Variants in ARL10 observed in about 807,000 individuals in gnomAD.
ARL10 encodes ADP-ribosylation factor-like protein 10.
In ARL10, 23 loss-of-function variants were observed where a neutral mutation model predicts 26.1. That is an observed-to-expected ratio of 0.88 (90% CI 0.63 to 1.25). The LOEUF (loss-of-function observed/expected upper bound fraction) is 1.25. Among genes scored for constraint, ARL10 ranks in the 50% most tolerant of loss-of-function variants. The pLI is 0.00. For missense variants in ARL10, 300 were observed against 323.6 expected (o/e 0.93, Z 0.56); for synonymous variants, 138 against 149.1 (o/e 0.93, Z 0.54).
intron 1 of ARL10, among the ~76,000 whole-genome samples, chr5:176,394,456 G>C (rs1385870687): frequency 6.6e-6 from 1 of 152,280 alleles, no homozygotes; most frequent in African/African-American, 2.4e-5. Flanking sequence ...TGGATCACTT[G>C]AGGTCAGGAG....
the ARL10 span, among the ~76,000 whole-genome samples, chr5:176,412,330 C>T: frequency 6.6e-6 from 1 of 152,176 alleles, no homozygotes; most frequent in Non-Finnish European, 1.5e-5. Context: ...GGATATCATA[C>T]AGTATCCTGC....
At chr5:176,387,078 CTT>C (rs370678945) in intron 1 of ARL10, 23 of 237,426 alleles carry the variant, frequency 9.7e-5, no homozygotes, top group East Asian at 2.4e-4. Flanking sequence ...CTCTCTCTCT[CTT>C]TTTTTTTTTC....
Position 176,376,388 on chromosome 5 carries a change from A to T in ARL10, c.*4493A>T, listed in dbSNP as rs937867535. The T allele has an allele frequency of 4.7e-5, 7 of 150,128 alleles. No individual in the cohort carries two copies. Among genetic ancestry groups the T allele is most frequent in the African/African-American group, 1.7e-4 (7 of 40,838 alleles). 9.3% of individuals were successfully genotyped at this position (150,128 alleles called of 1,614,324 possible). A position where few individuals can be genotyped will look rare whatever the true frequency, so the allele number is the denominator to read the frequency against. ...AAAAAAAAAAAAAAAAAAGGTTAGCATTCCACTCTTCCTTTGGGGTTTCAG... is the reference window on the plus strand; with the variant it reads ...AAAAAAAAAAAAAAAAAAGGTTAGCTTTCCACTCTTCCTTTGGGGTTTCAG... On this transcript the variant is annotated 3_prime_UTR_variant, in exon 4 of 4. Coordinates refer to ENST00000310389, the MANE Select transcript of ARL10 (RefSeq NM_173664.6).
At chr5:176,365,841 G>A in intron 1 of ARL10, 95 bp downstream of exon 1, 1 of 1,199,362 alleles carries the variant, frequency 8.3e-7, no homozygotes, top group Non-Finnish European at 1.0e-6. Context: ...CGGCCCTGCT[G>A]GTGCCGGGAG....
chr5:176,367,117 C>T (rs1204877331), intron 2 of ARL10, among the ~76,000 whole-genome samples: 3 of 150,002 alleles, frequency 2.0e-5, no homozygotes, highest in African/African-American at 7.4e-5. Flanking sequence ...AAGCGATTCT[C>T]CAGCTTCAGC....
At chr5:176,389,781 T>C (rs1298533077), downstream of ARL10, 31 of 286,590 alleles carry the variant, frequency 1.1e-4, no homozygotes, top group Non-Finnish European at 1.8e-4. Flanking sequence ...ATCCCCATGG[T>C]TTTTGGTCTT....
chr5:176,390,438 GTTC>G (rs1234823448), downstream of ARL10, among the ~76,000 whole-genome samples: 1 of 151,920 alleles, frequency 6.6e-6, no homozygotes, highest in Non-Finnish European at 1.5e-5. Context: ...AGACCATCTA[GTTC>G]TTTTTTTGAG....
chr5:176,373,004 A>C lies in ARL10; in HGVS notation c.*1109A>C, dbSNP rs1768591769. On this transcript the variant is annotated 3_prime_UTR_variant, in exon 4 of 4. Coordinates refer to ENST00000310389, the MANE Select transcript of ARL10 (RefSeq NM_173664.6). Reference sequence around the variant, plus strand: ...TGGCTTTGAGGCTGTCGTCGATATCATAGTACTTTACATGGATTCACATGA... The same window carrying C: ...TGGCTTTGAGGCTGTCGTCGATATCCTAGTACTTTACATGGATTCACATGA... 1 of 398,638 alleles carries C rather than the reference A, an allele frequency of 2.5e-6. No homozygotes were observed. 24.7% of individuals were successfully genotyped at this position (398,638 alleles called of 1,614,324 possible).
chr5:176,403,767 GTGTT>G (rs902715556), downstream of ARL10, among the ~76,000 whole-genome samples: 2 of 143,758 alleles, frequency 1.4e-5, no homozygotes, highest in Non-Finnish European at 3.0e-5. Flanking sequence ...TTGTGTGTGT[GTGTT>G]TGTTTTGAGA....
intron 1 of ARL10, among the ~76,000 whole-genome samples, chr5:176,395,947 C>T (rs529655110): frequency 2.6e-5 from 4 of 152,198 alleles, no homozygotes; most frequent in South Asian, 2.1e-4. Context: ...CCAGCCTGGC[C>T]GACATGGTGA....
the ARL10 span, among the ~76,000 whole-genome samples, chr5:176,407,870 A>G: frequency 1.3e-5 from 2 of 152,184 alleles, no homozygotes; most frequent in Non-Finnish European, 2.9e-5. Context: ...GGACTTGGCC[A>G]GTCTCCCTGC....
In ARL10 at chr5:176,374,000, A is replaced by G. The variant is rs1768621456; in HGVS notation, c.*2105A>G. 2 of 152,228 alleles carry G rather than the reference A, an allele frequency of 1.3e-5. No homozygotes were observed. Among genetic ancestry groups the G allele is most frequent in the Admixed American group, 1.3e-4 (2 of 15,280 alleles). 9.4% of individuals were successfully genotyped at this position (152,228 alleles called of 1,614,324 possible). On this transcript the variant is annotated 3_prime_UTR_variant, in exon 4 of 4. Coordinates refer to ENST00000310389, the MANE Select transcript of ARL10 (RefSeq NM_173664.6). The stretch of plus-strand genomic sequence containing the variant: ...CAGCCCCACAATGTGTGTAGGCTAC[A>G]TTTATAGCCAGAGAAACGAAAATAA...
chr5:176,412,155 G>A, the ARL10 span, among the ~76,000 whole-genome samples: 19 of 141,100 alleles, frequency 1.3e-4, no homozygotes, highest in East Asian at 4.2e-4. Flanking sequence ...CAGCCTGGGC[G>A]ACAGAGTGAG....
downstream of ARL10, among the ~76,000 whole-genome samples, chr5:176,389,992 G>A (rs754870824): frequency 6.6e-6 from 1 of 151,966 alleles, no homozygotes; most frequent in Non-Finnish European, 1.5e-5. Flanking sequence ...AGACCAGCCT[G>A]ACCAACATGG....
exon 2 of ARL10, chr5:176,388,536 G>A: frequency 6.2e-7 from 1 of 1,609,854 alleles, no homozygotes; most frequent in Non-Finnish European, 8.5e-7. Flanking sequence ...TTGGCCTTGG[G>A]CATCGCGCTG....
At chr5:176,395,469 G>T (rs1472445331) in intron 1 of ARL10, among the ~76,000 whole-genome samples, 7 of 152,234 alleles carry the variant, frequency 4.6e-5, no homozygotes, top group Non-Finnish European at 8.8e-5. Flanking sequence ...AGGCTCTGGT[G>T]TGCTCTGTGC....
At chr5:176,369,261 C>G (rs915285104) in intron 3 of ARL10, 3 of 1,323,214 alleles carry the variant, frequency 2.3e-6, no homozygotes, top group Non-Finnish European at 3.0e-6. Flanking sequence ...GAGACAGAGT[C>G]TTGTTCTGTC....
Position 176,366,598 on chromosome 5 carries a change from C to A in ARL10, c.385+17C>A. The A allele has an allele frequency of 6.2e-7, 1 of 1,612,552 alleles. No homozygotes were observed. On this transcript the variant is annotated intron_variant, in intron 2 of 3. Coordinates refer to ENST00000310389, the MANE Select transcript of ARL10 (RefSeq NM_173664.6). ...TGCTAGAAAGTGAGCGGACACCCTA[C>A]CCCATCTCCCCGTCTCCTCTACTGG...
At chr5:176,392,715 G>A, downstream of ARL10, 2 of 1,587,048 alleles carry the variant, frequency 1.3e-6, no homozygotes, top group Non-Finnish European at 1.7e-6. The surrounding 1 kb of genome is among the most constrained non-coding windows in gnomAD (Gnocchi z 5.2). Flanking sequence ...GACCAAAGCA[G>A]CTGCTCCTCC....
Sources: gnomAD v4.1 joint callset for allele counts (sites outside exome capture counted in the v4.1 genomes callset) on GRCh38, gnomAD v4.1.1 for gene constraint, Gnocchi (gnomAD v3.1) non-coding constraint, MANE v1.5 for transcripts, NCBI Gene and HGNC (gene_info 2026-07-23, HGNC 2026-07-21) for gene names.